CSF2RB: variants seen among roughly 807,000 people sequenced by gnomAD.
CSF2RB encodes colony stimulating factor 2 receptor subunit beta.
A neutral mutation model predicts 67.2 loss-of-function variants in CSF2RB; 22 were observed. The ratio of observed to expected loss-of-function variants is 0.33; its 90% CI spans 0.23 to 0.47. The LOEUF (loss-of-function observed/expected upper bound fraction) is 0.47. Ranked by LOEUF, CSF2RB falls within the 20% of genes least tolerant of loss-of-function variation. The pLI is 1.00. For missense variants in CSF2RB, 1,113 were observed against 1,174.5 expected (o/e 0.95, Z 0.76); for synonymous variants, 507 against 482.9 (o/e 1.05, Z -0.65).
At chr22:36,935,830 G>A in intron 12 of CSF2RB, 143 bp downstream of exon 12, 1 of 921,370 alleles carries the variant, frequency 1.1e-6, no homozygotes, top group Non-Finnish European at 1.7e-6. Flanking sequence ...TTGGGAGTGG[G>A]GCCAGCACTT....
rs1444347868 is a variant in CSF2RB at position 36,929,813 on chromosome 22, G to A, written c.718+6G>A. The A allele has an allele frequency of 1.2e-6, 2 of 1,613,112 alleles. No individual in the cohort carries two copies. The highest frequency in any genetic ancestry group is 1.7e-6 in the Non-Finnish European group (2 of 1,179,734). ...TTGCTGGGACTCCCAGCCAGGTAATGTTGCCAGAGCCCAGGAAATGCCCCG... is the reference window on the plus strand; with the variant it reads ...TTGCTGGGACTCCCAGCCAGGTAATATTGCCAGAGCCCAGGAAATGCCCCG... On this transcript the variant is annotated splice_donor_region_variant and intron_variant, in intron 6 of 13. Coordinates refer to ENST00000403662, the MANE Select transcript of CSF2RB (RefSeq NM_000395.3).
Position 36,926,197 on chromosome 22 carries a change from G to A in CSF2RB, c.391+20G>A. 6.2e-7 allele frequency: 1 copy of A among 1,612,688 alleles called. No individual in the cohort carries two copies. Among genetic ancestry groups the A allele is most frequent in the Non-Finnish European group, 8.5e-7 (1 of 1,179,684 alleles). ...AGCATGGTGAGGGGCTGGGGGCCCT[G>A]CCCGGGGCTTGGTTTCCTGTGTGGA... is the stretch of plus-strand genomic sequence containing the variant. On this transcript the variant is annotated intron_variant, in intron 4 of 13. Coordinates refer to ENST00000403662, the MANE Select transcript of CSF2RB (RefSeq NM_000395.3).
At chr22:36,924,761 G>A (rs753453978) in intron 3 of CSF2RB, among the ~76,000 whole-genome samples, 20 of 152,118 alleles carry the variant, frequency 1.3e-4, no homozygotes, top group South Asian at 2.1e-4. Context: ...GGACCACCGC[G>A]GCCTCCCTGC....
At position 36,930,800 on chromosome 22, in the gene CSF2RB, G is replaced by A. The variant is rs762241530; in HGVS notation, c.982G>A (p.Ala328Thr). The change falls in exon 8 of 14, where the codon GCA (alanine) becomes ACA (threonine). Residue 328 changes from alanine to threonine, a missense_variant. Transcript: ENST00000403662. Reference protein sequence around the residue: ...QYIVSVQPRRAEKHIKSSVNI... With the variant: ...QYIVSVQPRRTEKHIKSSVNI... The stretch of plus-strand genomic sequence containing the variant: ...CATCGTCTCTGTTCAGCCAAGGAGG[G>A]CAGAGAAACACATAAAGAGCTCAGT... 1.9e-5 allele frequency: 31 copies of A among 1,614,046 alleles called. No individual in the cohort carries two copies. Among genetic ancestry groups the A allele is most frequent in the East Asian group, 4.5e-5 (2 of 44,898 alleles).
Position 36,926,136 on chromosome 22 carries a change from G to T in CSF2RB, c.350G>T (p.Arg117Met). Residue 117 changes from arginine to methionine, a missense_variant, in exon 4 of 14, where the codon AGG (arginine) becomes ATG (methionine). Transcript: ENST00000403662. ...GACTACTTCTCATTCCAACCAGACA[G>T]GCCTCTGGGCACCCGGCTCACCGTC... Reference protein sequence around the residue: ...DVDYFSFQPDRPLGTRLTVTL... With the variant: ...DVDYFSFQPDMPLGTRLTVTL... 1 of 1,614,208 alleles carries T rather than the reference G, an allele frequency of 6.2e-7. No homozygotes were observed. Among genetic ancestry groups the T allele is most frequent in the Non-Finnish European group, 8.5e-7 (1 of 1,180,050 alleles).
chr22:36,932,465 C>T (rs570759020), intron 8 of CSF2RB, among the ~76,000 whole-genome samples: 2 of 150,778 alleles, frequency 1.3e-5, no homozygotes, highest in South Asian at 4.2e-4. Flanking sequence ...TAGCCAGTTG[C>T]CTAGAATAGA....
At chr22:36,934,670 C>T (rs555509181) in intron 10 of CSF2RB, among the ~76,000 whole-genome samples, 2 of 152,210 alleles carry the variant, frequency 1.3e-5, no homozygotes, top group African/African-American at 4.8e-5. Flanking sequence ...GACCCCTCAC[C>T]TTTCACCACA....
chr22:36,926,001 C>A lies in CSF2RB; in HGVS notation c.215C>A (p.Pro72Gln). ...IRRVNEDLLEPVSCDLSDDMP... is the reference protein window; with the variant it reads ...IRRVNEDLLEQVSCDLSDDMP... ...TCTCCCAACAGGGACCTCCTGGAGC[C>A]AGTGTCCTGTGACCTCAGTGATGAC... The change falls in exon 4 of 14, where the codon CCA becomes CAA. Residue 72 changes from proline (P) to glutamine (Q), a missense_variant. Pro to Gln is a moderately conservative substitution (Grantham distance 76). Around this residue, in one of 2 missense-constraint regions of CSF2RB, gnomAD observed 559 missense variants for 656.5 expected, o/e 0.85. Coordinates refer to ENST00000403662, the MANE Select transcript of CSF2RB (RefSeq NM_000395.3). 1 of 1,614,234 alleles carries A rather than the reference C, an allele frequency of 6.2e-7. No individual in the cohort carries two copies.
chr22:36,924,827 C>A (rs1427634646), intron 3 of CSF2RB, among the ~76,000 whole-genome samples: 1 of 152,148 alleles, frequency 6.6e-6, no homozygotes, highest in African/African-American at 2.4e-5. Context: ...CGGGGCCCTG[C>A]CCATCCTCCT....
chr22:36,928,546 C>T (rs770590329), intron 4 of CSF2RB, among the ~76,000 whole-genome samples: 1 of 151,932 alleles, frequency 6.6e-6, no homozygotes, highest in Non-Finnish European at 1.5e-5. Context: ...AGGATGTTTT[C>T]GTTTGAAAGC....
intron 12 of CSF2RB, 58 bp from the exon 13 acceptor site, chr22:36,936,491 C>A: frequency 6.8e-7 from 1 of 1,464,620 alleles, no homozygotes; most frequent in Non-Finnish European, 9.6e-7. Flanking sequence ...CACCCTCTGC[C>A]TTGCCCCCAC....
rs373146591 is a variant in CSF2RB at position 36,938,207 on chromosome 22, C to T, written c.2399C>T (p.Pro800Leu). The T allele has an allele frequency of 2.7e-5, 44 of 1,614,010 alleles. 1 individual carries two copies. The highest frequency in any genetic ancestry group is 1.8e-4 in the South Asian group (16 of 91,082). ...KSPVLNPGER[P>L]ADVSPTSPQP... ...CCTGTCCTGAACCCAGGGGAACGCCCGGCAGATGTGTCCCCAACATCCCCA... is the reference window on the plus strand; with the variant it reads ...CCTGTCCTGAACCCAGGGGAACGCCTGGCAGATGTGTCCCCAACATCCCCA... Residue 800 changes from proline to leucine, a missense_variant, in exon 14 of 14, where the codon CCG becomes CTG. Pro to Leu is a moderately conservative substitution (Grantham distance 98, BLOSUM62 -3). Around this residue, in one of 2 missense-constraint regions of CSF2RB, gnomAD observed 554 missense variants for 517.9 expected, o/e 1.07. Coordinates refer to ENST00000403662, the MANE Select transcript of CSF2RB (RefSeq NM_000395.3).
At chr22:36,914,226 C>T (rs949909440) in intron 1 of CSF2RB, among the ~76,000 whole-genome samples, 1 of 151,952 alleles carries the variant, frequency 6.6e-6, no homozygotes, top group Non-Finnish European at 1.5e-5. Context: ...GTGCGGATGT[C>T]TGGGGATGCA....
Position 36,939,142 on chromosome 22 carries a change from G to A in CSF2RB, c.*640G>A. ...CATGGTATTGGGGGTCGGGGGGGCG[G>A]TGCAAGGGACGCACATGAGAGACTG... On this transcript the variant is annotated 3_prime_UTR_variant, in exon 14 of 14. Coordinates refer to ENST00000403662, the MANE Select transcript of CSF2RB (RefSeq NM_000395.3). 1.4e-6 allele frequency: 1 copy of A among 702,258 alleles called. No individual in the cohort carries two copies. Among genetic ancestry groups the A allele is most frequent in the Non-Finnish European group, 2.6e-6 (1 of 384,806 alleles). The allele number at this position is 702,258 out of a possible 1,614,324, so 43.5% of individuals were successfully genotyped here.
Position 36,927,657 on chromosome 22 carries a change from C to T in CSF2RB, c.391+1480C>T, listed in dbSNP as rs545560448. Among the ~76,000 whole-genome samples the T allele has an allele frequency of 6.5e-4, 99 of 152,266 alleles. 1 individual carries two copies. Among genetic ancestry groups the T allele is most frequent in the Non-Finnish European group, 1.2e-3 (84 of 68,006 alleles). Reference sequence around the variant, plus strand: ...TCCCTGGAGAGGCTTCTGTCTCCTGCAGTCTCAGGTAGAGGGGACCCTCTA... The same window carrying T: ...TCCCTGGAGAGGCTTCTGTCTCCTGTAGTCTCAGGTAGAGGGGACCCTCTA... On this transcript the variant is annotated intron_variant, in intron 4 of 13. Transcript: ENST00000403662.
chr22:36,929,845 G>A lies in CSF2RB; in HGVS notation c.718+38G>A, dbSNP rs200102736. On this transcript the variant is annotated intron_variant, in intron 6 of 13. Transcript: ENST00000403662. ...GAGCCCAGGAAATGCCCCGTGGTGGGAGGGCAGGCTCATCAGGAGCTCCTG... is the reference window on the plus strand; with the variant it reads ...GAGCCCAGGAAATGCCCCGTGGTGGAAGGGCAGGCTCATCAGGAGCTCCTG... 2.7e-3 allele frequency: 4,293 copies of A among 1,601,796 alleles called. 10 individuals carry two copies. The highest frequency in any genetic ancestry group is 3.3e-3 in the Non-Finnish European group (3,930 of 1,174,632).
At position 36,923,911 on chromosome 22, in the gene CSF2RB, C is replaced by G. The variant is rs373625872; in HGVS notation, c.200+544C>G. ...GGCTCCGCGCTCTCCCAGGCCCCCC[C>G]TCCGTATGTGGGCTGCCACCTCTCC... On this transcript the variant is annotated intron_variant, in intron 3 of 13. Transcript: ENST00000403662. The G allele has an allele frequency of 5.4e-4, 317 of 592,210 alleles. No individual in the cohort carries two copies. The African/African-American group carries it at 5.7e-3, about 11-fold the overall frequency. 36.7% of individuals were successfully genotyped at this position (592,210 alleles called of 1,614,324 possible).
At chr22:36,920,531 C>A (rs985235570) in intron 1 of CSF2RB, among the ~76,000 whole-genome samples, 1 of 152,224 alleles carries the variant, frequency 6.6e-6, no homozygotes, top group East Asian at 1.9e-4. Flanking sequence ...GAGAAATAAA[C>A]TTTGTTACTA....
At chr22:36,918,621 T>G (rs1940777791) in intron 1 of CSF2RB, among the ~76,000 whole-genome samples, 1 of 152,020 alleles carries the variant, frequency 6.6e-6, no homozygotes, top group South Asian at 2.1e-4. Flanking sequence ...TAAAAAGGAG[T>G]CTTGTTCTTT....
Sources: allele counts gnomAD v4.1 joint callset (sites outside exome capture counted in the v4.1 genomes callset), GRCh38; gene constraint gnomAD v4.1.1; regional missense constraint gnomAD v4.1.1; transcripts MANE v1.5; gene names NCBI Gene and HGNC (gene_info 2026-07-23, HGNC 2026-07-21).